Variants in MBNL2 observed in about 807,000 individuals in gnomAD.
The protein encoded by MBNL2 is muscleblind-like protein 2.
A neutral mutation model predicts 41.9 loss-of-function variants in MBNL2; 17 were observed. The observed-to-expected ratio is 0.41, with a 90% CI of 0.28 to 0.61. The LOEUF (loss-of-function observed/expected upper bound fraction) is 0.61. Among genes scored for constraint, MBNL2 ranks in the 20% least tolerant of loss-of-function variants. The pLI is 0.35. For missense variants in MBNL2, 336 were observed against 505.6 expected, an observed-to-expected ratio of 0.66 and a Z score of 3.22; for synonymous variants, 195 against 182.9, an observed-to-expected ratio of 1.07 and a Z score of -0.53.
At chr13:97,158,940 C>T in the MBNL2 span, among the ~76,000 whole-genome samples, 15 of 150,804 alleles carry the variant, frequency 9.9e-5, no homozygotes, top group East Asian at 2.9e-3. Context: ...AGTTCAATTC[C>T]TGGGTATCCT....
At chr13:97,246,494 G>A (rs1271848346) in intron 1 of MBNL2, among the ~76,000 whole-genome samples, 1 of 152,182 alleles carries the variant, frequency 6.6e-6, no homozygotes, top group African/African-American at 2.4e-5. Context: ...TCAGCAGTGC[G>A]TGTAAGAAAT....
At chr13:97,280,810 C>G (rs930020523) in intron 2 of MBNL2, among the ~76,000 whole-genome samples, 4 of 152,256 alleles carry the variant, frequency 2.6e-5, no homozygotes, top group Admixed American at 2.6e-4. Flanking sequence ...GCCTCAGCCA[C>G]ACAAAGAGCA....
chr13:97,337,627 T>C (rs1378170488), intron 3 of MBNL2, among the ~76,000 whole-genome samples: 1 of 152,178 alleles, frequency 6.6e-6, no homozygotes, highest in Non-Finnish European at 1.5e-5. Flanking sequence ...ATATCCACCT[T>C]TCTACTGGCC....
intron 5 of MBNL2, among the ~76,000 whole-genome samples, chr13:97,351,437 C>T (rs560531581): frequency 6.6e-6 from 1 of 152,286 alleles, no homozygotes; most frequent in African/African-American, 2.4e-5. Context: ...GAAGCTAGTC[C>T]TCCTCTGTAG....
At chr13:97,144,859 C>CA in the MBNL2 span, among the ~76,000 whole-genome samples, 1 of 152,126 alleles carries the variant, frequency 6.6e-6, no homozygotes, top group Non-Finnish European at 1.5e-5. Context: ...AGGGAAAGAA[C>CA]ATTAGAAGCA....
In MBNL2 at chr13:97,392,605, C is replaced by T. The variant is rs1467011752; in HGVS notation, c.*1156C>T. 6.6e-6 allele frequency: 1 copy of T among 152,016 alleles called. No homozygotes were observed. The highest frequency in any genetic ancestry group is 1.5e-5 in the Non-Finnish European group (1 of 67,864). The allele number at this position is 152,016 out of a possible 1,614,324, so 9.4% of individuals were successfully genotyped here. A position where few individuals can be genotyped will look rare whatever the true frequency, so the allele number is the denominator to read the frequency against. On this transcript the variant is annotated 3_prime_UTR_variant, in exon 9 of 9. Transcript: ENST00000679496. ...ATATATATACTATATATGGATGAAA[C>T]ATATTTTAATGTTGTTTACTTTTTT...
At position 97,276,224 on chromosome 13, in the gene MBNL2, T is replaced by C. The variant is rs1437683468; in HGVS notation, c.-12T>C. The stretch of plus-strand genomic sequence containing the variant: ...TTTAACAGAAACAAACAGCCCAAAT[T>C]ACTTTATCACCATGGCTTTGAACGT... On this transcript the variant is annotated 5_prime_UTR_variant, in exon 2 of 9. Coordinates refer to ENST00000679496, the MANE Select transcript of MBNL2 (RefSeq NM_001382683.1). 3 of 1,607,652 alleles carry C rather than the reference T, an allele frequency of 1.9e-6. No homozygotes were observed. The highest frequency in any genetic ancestry group is 2.6e-6 in the Non-Finnish European group (3 of 1,175,586).
intron 1 of MBNL2, among the ~76,000 whole-genome samples, chr13:97,271,123 T>G (rs1005879510): frequency 4.6e-5 from 7 of 150,896 alleles, no homozygotes; most frequent in African/African-American, 1.2e-4. Flanking sequence ...TTTTTTTTTT[T>G]TTGTTTTTTT....
intron 5 of MBNL2, among the ~76,000 whole-genome samples, chr13:97,348,879 GTTTA>G (rs2062148776): frequency 6.6e-6 from 1 of 152,200 alleles, no homozygotes; most frequent in African/African-American, 2.4e-5. Flanking sequence ...TTGCGCAAAT[GTTTA>G]TTAAGGCATG....
chr13:97,391,366 T>C lies in MBNL2; in HGVS notation c.1093T>C (p.Ser365Pro), dbSNP rs1369472393. 3.1e-6 allele frequency: 5 copies of C among 1,589,886 alleles called. No homozygotes were observed. The highest frequency in any genetic ancestry group is 4.3e-6 in the Non-Finnish European group (5 of 1,158,410). ...CAGAAACGGAATGGAATGCCAAGAA[T>C]CTGCATTGAGAATAACTAAACATTG... The part of the protein sequence containing the change: ...ISRNGMECQE[S>P]ALRITKHCYC... Residue 365 changes from serine (S) to proline (P), a missense_variant, in exon 9 of 9, where the codon TCT becomes CCT. Ser to Pro is a moderately conservative substitution (Grantham distance 74). Coordinates refer to ENST00000679496, the MANE Select transcript of MBNL2 (RefSeq NM_001382683.1).
chr13:97,336,363 T>A (rs1211617173), intron 3 of MBNL2, among the ~76,000 whole-genome samples: 6 of 152,156 alleles, frequency 3.9e-5, no homozygotes, highest in Non-Finnish European at 8.8e-5. Context: ...GGCTGAATAA[T>A]GGCTCTCGGA....
intron 2 of MBNL2, among the ~76,000 whole-genome samples, chr13:97,292,924 A>C (rs1191678261): frequency 1.3e-5 from 2 of 151,970 alleles, no homozygotes; most frequent in Non-Finnish European, 2.9e-5. Context: ...TAATTTATAA[A>C]TTATTTGTTT....
the MBNL2 span, among the ~76,000 whole-genome samples, chr13:97,176,088 AAC>A: frequency 6.6e-6 from 1 of 152,148 alleles, no homozygotes; most frequent in Non-Finnish European, 1.5e-5. Flanking sequence ...TCTAAAAGTA[AAC>A]ACATGCTTCC....
rs1210037690 is a variant in MBNL2, at chr13:97,334,144, A to G, written c.175-132A>G. 3 of 579,364 alleles carry G rather than the reference A, an allele frequency of 5.2e-6. No homozygotes were observed. In the African/African-American group the frequency reaches 8.4e-5, roughly 16 times the overall value. The allele number at this position is 579,364 out of a possible 1,614,324, so 35.9% of individuals were successfully genotyped here. On this transcript the variant is annotated intron_variant, in intron 2 of 8. Transcript: ENST00000679496. This position sits in a 1 kb window ranked among gnomAD's most constrained non-coding sequence, Gnocchi z 5.3. The stretch of plus-strand genomic sequence containing the variant: ...AACAAACACATGAGCATGCGCGCGC[A>G]CACCCACACACACACACACACACAC...
At chr13:97,226,861 A>C (rs2041680517) in intron 1 of MBNL2, among the ~76,000 whole-genome samples, 1 of 151,940 alleles carries the variant, frequency 6.6e-6, no homozygotes, top group Admixed American at 6.5e-5. Context: ...ATATCATCTA[A>C]AAAGCTGTAA....
chr13:97,247,106 T>C (rs1566364639), intron 1 of MBNL2, among the ~76,000 whole-genome samples: 1 of 152,212 alleles, frequency 6.6e-6, no homozygotes, highest in Non-Finnish European at 1.5e-5. Context: ...CTAGAAACAC[T>C]TTATTCACCA....
intron 2 of MBNL2, among the ~76,000 whole-genome samples, chr13:97,303,665 C>T (rs993533021): frequency 9.2e-5 from 14 of 152,214 alleles, no homozygotes; most frequent in Non-Finnish European, 5.9e-5. Flanking sequence ...GCTCCGGTGG[C>T]AGAATGCCCC....
intron 3 of MBNL2, among the ~76,000 whole-genome samples, chr13:97,340,404 C>T (rs2061353740): frequency 6.6e-6 from 1 of 152,176 alleles, no homozygotes; most frequent in Admixed American, 6.6e-5. Context: ...TATATTTTTA[C>T]TCACTTTTAT....
At chr13:97,315,860 G>A (rs544836048) in intron 2 of MBNL2, among the ~76,000 whole-genome samples, 1 of 151,828 alleles carries the variant, frequency 6.6e-6, no homozygotes, top group South Asian at 2.1e-4. Flanking sequence ...GTGAGGATGT[G>A]GAAGGCCTTG....
Sources: gnomAD v4.1 joint callset for allele counts (sites outside exome capture counted in the v4.1 genomes callset) on GRCh38, gnomAD v4.1.1 for gene constraint, Gnocchi (gnomAD v3.1) non-coding constraint, MANE v1.5 for transcripts, NCBI Gene and HGNC (gene_info 2026-07-23, HGNC 2026-07-21) for gene names.